Variants in SLC35F1 observed in about 807,000 individuals in gnomAD.
SLC35F1 encodes the protein solute carrier family 35 member F1.
Under a neutral mutation model 48.7 loss-of-function variants are expected in SLC35F1, and 14 were observed. That is an observed-to-expected ratio of 0.29 (90% CI 0.19 to 0.45). SLC35F1 has a LOEUF of 0.45. SLC35F1 is among the 20% of genes least tolerant of loss of function. The pLI, the probability that SLC35F1 is intolerant of heterozygous loss-of-function variation, is 1.00. For missense variants in SLC35F1, 404 were observed against 500.0 expected (o/e 0.81, Z 1.83); for synonymous variants, 190 against 202.2 (o/e 0.94, Z 0.51).
chr6:118,191,075 GA>G (rs1188089903), intron 2 of SLC35F1, among the ~76,000 whole-genome samples: 2 of 152,052 alleles, frequency 1.3e-5, no homozygotes, highest in Non-Finnish European at 2.9e-5. Context: ...ATGGAAAAAG[GA>G]CCTAAAACAC....
rs1772697968 is a variant in SLC35F1, at chr6:118,070,945, G to GTA, written c.174-83491_174-83490dup. Among the ~76,000 whole-genome samples, 10 of 91,028 alleles carry GTA rather than the reference G, an allele frequency of 1.1e-4. No homozygotes were observed. The South Asian group carries it at 1.6e-3, about 14-fold the overall frequency. 59.7% of individuals were successfully genotyped at this position (91,028 alleles called of 152,430 possible). ...TAAATATATATACTATATATACATA[G>GTA]TATATATATACTGTGTATATATATA... On this transcript the variant is annotated intron_variant, in intron 1 of 7. Coordinates refer to ENST00000360388, the MANE Select transcript of SLC35F1 (RefSeq NM_001029858.4).
At chr6:118,119,678 A>G (rs764914451) in intron 1 of SLC35F1, among the ~76,000 whole-genome samples, 13 of 151,994 alleles carry the variant, frequency 8.6e-5, no homozygotes, top group Non-Finnish European at 1.5e-4. Context: ...TAATTTCTGT[A>G]GGCACACATT....
At chr6:118,112,763 A>T (rs1773426526) in intron 1 of SLC35F1, among the ~76,000 whole-genome samples, 2 of 152,332 alleles carry the variant, frequency 1.3e-5, no homozygotes, top group African/African-American at 2.4e-5. Context: ...ATAATGTAAA[A>T]TGCTTAAAAC....
intron 7 of SLC35F1, among the ~76,000 whole-genome samples, chr6:118,289,951 C>T (rs1776099653): frequency 6.6e-6 from 1 of 152,124 alleles, no homozygotes; most frequent in African/African-American, 2.4e-5. Context: ...TTAACCATGG[C>T]GATGTTGATA....
At chr6:118,174,614 C>A (rs537028997) in intron 2 of SLC35F1, among the ~76,000 whole-genome samples, 134 of 152,086 alleles carry the variant, frequency 8.8e-4, no homozygotes, top group African/African-American at 3.1e-3. Context: ...AAAAGAGGGA[C>A]AATGGTGCAG....
At chr6:117,952,613 A>G (rs957379096) in intron 1 of SLC35F1, among the ~76,000 whole-genome samples, 1 of 152,180 alleles carries the variant, frequency 6.6e-6, no homozygotes. Context: ...GCAACTGTCA[A>G]TATTTCTTTT....
chr6:117,954,636 A>G (rs1776406671), intron 1 of SLC35F1, among the ~76,000 whole-genome samples: 1 of 152,172 alleles, frequency 6.6e-6, no homozygotes, highest in South Asian at 2.1e-4. Flanking sequence ...ATAAGTTAAG[A>G]AGTAGGGCTG....
intron 1 of SLC35F1, among the ~76,000 whole-genome samples, chr6:118,055,218 A>G (rs1198272478): frequency 6.6e-6 from 1 of 152,316 alleles, no homozygotes; most frequent in African/African-American, 2.4e-5. Context: ...TAAATTTTGA[A>G]TGGATACATG....
chr6:118,291,930 C>G (rs1385043667), intron 7 of SLC35F1, among the ~76,000 whole-genome samples: 1 of 152,002 alleles, frequency 6.6e-6, no homozygotes, highest in East Asian at 1.9e-4. Context: ...CCAGCCTGGC[C>G]AACATTGTGA....
chr6:118,250,913 C>T lies in SLC35F1; in HGVS notation c.477+15277C>T, dbSNP rs530710657. ...CCAGGAAGCAGAGGTTGCAGTGAGCCGAGATCGTGCCACTACACTCCAGCA... is the reference window on the plus strand; with the variant it reads ...CCAGGAAGCAGAGGTTGCAGTGAGCTGAGATCGTGCCACTACACTCCAGCA... On this transcript the variant is annotated intron_variant, in intron 3 of 7. Coordinates refer to ENST00000360388, the MANE Select transcript of SLC35F1 (RefSeq NM_001029858.4). Among the ~76,000 whole-genome samples the T allele has an allele frequency of 5.9e-5, 9 of 151,682 alleles. No homozygotes were observed. In the South Asian group the frequency reaches 8.4e-4, roughly 14 times the overall value.
chr6:117,931,419 AT>A (rs1246705407), intron 1 of SLC35F1, among the ~76,000 whole-genome samples: 3 of 152,006 alleles, frequency 2.0e-5, no homozygotes, highest in Admixed American at 1.3e-4. Context: ...CCCCAAAGAC[AT>A]TTTTTTCTTC....
intron 1 of SLC35F1, among the ~76,000 whole-genome samples, chr6:118,118,272 T>A (rs1265437427): frequency 6.6e-6 from 1 of 152,216 alleles, no homozygotes; most frequent in Non-Finnish European, 1.5e-5. Flanking sequence ...CTAGTGGGGA[T>A]ACACTTAACA....
At position 118,232,823 on chromosome 6, in the gene SLC35F1, G is replaced by C. The variant is rs184769158; in HGVS notation, c.350-2686G>C. 7.2e-5 allele frequency among the ~76,000 whole-genome samples: 11 copies of C among 152,230 alleles called. No individual in the cohort carries two copies. The East Asian group carries it at 2.1e-3, about 29-fold the overall frequency. ...TGGTTGTATCTCTTTGGGATTCTTA[G>C]CTCGAGTCACCATGAGAATGGCCAT... On this transcript the variant is annotated intron_variant, in intron 2 of 7. Transcript: ENST00000360388.
At chr6:118,085,192 T>C (rs1772969277) in intron 1 of SLC35F1, among the ~76,000 whole-genome samples, 1 of 152,118 alleles carries the variant, frequency 6.6e-6, no homozygotes, top group Non-Finnish European at 1.5e-5. Flanking sequence ...AAAAGGGTCC[T>C]AAGGAATTGG....
chr6:117,914,108 A>G (rs1038852278), intron 1 of SLC35F1, among the ~76,000 whole-genome samples: 5 of 151,684 alleles, frequency 3.3e-5, no homozygotes, highest in African/African-American at 9.7e-5. Flanking sequence ...CTATCTATCT[A>G]TCTATCTATC....
At chr6:117,994,743 T>C (rs1384199091) in intron 1 of SLC35F1, among the ~76,000 whole-genome samples, 2 of 152,210 alleles carry the variant, frequency 1.3e-5, no homozygotes, top group African/African-American at 4.8e-5. Context: ...GTCTGTCCAC[T>C]GACATGAATA....
chr6:118,201,014 C>T (rs1229854228), intron 2 of SLC35F1, among the ~76,000 whole-genome samples: 2 of 152,198 alleles, frequency 1.3e-5, no homozygotes, highest in Non-Finnish European at 2.9e-5. Context: ...ACCTCCTGAG[C>T]GATCTTCCCA....
intron 1 of SLC35F1, among the ~76,000 whole-genome samples, chr6:118,061,662 G>C (rs906539643): frequency 6.6e-6 from 1 of 150,584 alleles, no homozygotes. Flanking sequence ...GGGACTTCTC[G>C]TCATAGTTTA....
chr6:118,190,306 G>C (rs1008597805), intron 2 of SLC35F1, among the ~76,000 whole-genome samples: 2 of 152,020 alleles, frequency 1.3e-5, no homozygotes, highest in African/African-American at 2.4e-5. Flanking sequence ...TCTGGACCAG[G>C]ATCTATGTGT....
Sources: allele counts gnomAD v4.1 joint callset (sites outside exome capture counted in the v4.1 genomes callset), GRCh38; gene constraint gnomAD v4.1.1; transcripts MANE v1.5; gene names NCBI Gene and HGNC (gene_info 2026-07-23, HGNC 2026-07-21).